Variants in PHACTR3 observed in about 807,000 individuals in gnomAD.
PHACTR3 encodes the protein protein phosphatase 1, regulatory subunit 123.
A neutral mutation model predicts 66.8 loss-of-function variants in PHACTR3; 16 were observed. That is an observed-to-expected ratio of 0.24 (90% CI 0.16 to 0.36). The LOEUF is 0.36. PHACTR3 is among the 10% of genes least tolerant of loss of function. The pLI is 1.00. For missense variants in PHACTR3, 647 were observed against 719.9 expected, an observed-to-expected ratio of 0.90 and a Z score of 1.16; for synonymous variants, 323 against 292.1, an observed-to-expected ratio of 1.11 and a Z score of -1.08.
At chr20:59,625,318 G>T (rs1249668245) in intron 1 of PHACTR3, among the ~76,000 whole-genome samples, 5 of 152,018 alleles carry the variant, frequency 3.3e-5, no homozygotes, top group Non-Finnish European at 7.4e-5. Flanking sequence ...TGGGAGGAGT[G>T]GTTGAGAATG....
rs1189756426 is a variant in PHACTR3, at chr20:59,691,230, G to A, written c.119-51877G>A. On this transcript the variant is annotated intron_variant, in intron 1 of 12. Transcript: ENST00000371015. ...TCCTGGCGGAGACCTTGGCTCTCCT[G>A]TCAGAAGCTTCCTCTGATTGTCAAC... is the stretch of plus-strand genomic sequence containing the variant. Among the ~76,000 whole-genome samples the A allele has an allele frequency of 4.6e-5, 7 of 152,202 alleles. No individual in the cohort carries two copies. In the South Asian group the frequency reaches 1.0e-3, roughly 23 times the overall value.
rs141380448 is a variant in PHACTR3, at chr20:59,753,607, T to C, written c.359-1575T>C. ...ACCAACAACAATGACAGAAAGCACA[T>C]GTAAAGTGCCTACCTTATGCCAGAC... On this transcript the variant is annotated intron_variant, in intron 3 of 12. Coordinates refer to ENST00000371015, the MANE Select transcript of PHACTR3 (RefSeq NM_080672.5). 1.2e-4 allele frequency among the ~76,000 whole-genome samples: 18 copies of C among 152,326 alleles called. No individual in the cohort carries two copies. The East Asian group carries it at 3.3e-3, about 28-fold the overall frequency.
At chr20:59,622,111 T>C (rs550402735) in intron 1 of PHACTR3, among the ~76,000 whole-genome samples, 98 of 152,286 alleles carry the variant, frequency 6.4e-4, no homozygotes, top group African/African-American at 2.0e-3. Flanking sequence ...TATGTGTTTG[T>C]GTGTGCAGGT....
At chr20:59,715,039 A>G (rs1350434363) in intron 1 of PHACTR3, among the ~76,000 whole-genome samples, 2 of 152,212 alleles carry the variant, frequency 1.3e-5, no homozygotes, top group African/African-American at 4.8e-5. Flanking sequence ...GAAACTTGCT[A>G]AATTATTCTA....
chr20:59,783,006 A>G (rs1177128251), intron 7 of PHACTR3, among the ~76,000 whole-genome samples: 1 of 152,150 alleles, frequency 6.6e-6, no homozygotes, highest in Admixed American at 6.5e-5. Flanking sequence ...TAAAAAGTGA[A>G]TGCTAACGTG....
intron 1 of PHACTR3, among the ~76,000 whole-genome samples, chr20:59,588,143 T>C (rs1242258672): frequency 6.6e-6 from 1 of 152,196 alleles, no homozygotes; most frequent in Non-Finnish European, 1.5e-5. Context: ...TGAGGGCTGC[T>C]TGGAGGAACC....
At position 59,770,459 on chromosome 20, in the gene PHACTR3, C is replaced by T. The variant is rs950009791; in HGVS notation, c.752-2820C>T. Among the ~76,000 whole-genome samples, 3 of 152,216 alleles carry T rather than the reference C, an allele frequency of 2.0e-5. No individual in the cohort carries two copies. In the East Asian group the frequency reaches 5.8e-4, roughly 29 times the overall value. ...TGGGCTTCCCTTGCTGCAGGAGGGA[C>T]CCTGGCCCAACTGAGTCTCCACCCA... On this transcript the variant is annotated intron_variant, in intron 5 of 12. Coordinates refer to ENST00000371015, the MANE Select transcript of PHACTR3 (RefSeq NM_080672.5).
intron 1 of PHACTR3, among the ~76,000 whole-genome samples, chr20:59,633,641 A>C (rs2034748812): frequency 6.6e-6 from 1 of 152,198 alleles, no homozygotes; most frequent in African/African-American, 2.4e-5. Flanking sequence ...TTTTAGAAGA[A>C]ATAAAAGAAA....
intron 9 of PHACTR3, 62 bp from the exon 10 acceptor site, chr20:59,840,302 TGAAGA>T (rs975287645): frequency 1.1e-5 from 17 of 1,571,298 alleles, no homozygotes; most frequent in Non-Finnish European, 1.5e-5. Flanking sequence ...ACTTCCCTGC[TGAAGA>T]GAAGAACGTT....
At chr20:59,721,889 A>G (rs535831378) in intron 1 of PHACTR3, among the ~76,000 whole-genome samples, 1 of 151,390 alleles carries the variant, frequency 6.6e-6, no homozygotes, top group East Asian at 1.9e-4. Flanking sequence ...ACAGAAAAGA[A>G]AAGAAATACA....
chr20:59,794,575 C>T (rs2041198931), intron 7 of PHACTR3, among the ~76,000 whole-genome samples: 2 of 152,084 alleles, frequency 1.3e-5, no homozygotes, highest in African/African-American at 4.8e-5. Context: ...TGGAAATACT[C>T]CTTCCTTTTC....
At chr20:59,597,190 T>A (rs1432042716) in intron 1 of PHACTR3, among the ~76,000 whole-genome samples, 3 of 152,252 alleles carry the variant, frequency 2.0e-5, no homozygotes, top group South Asian at 4.1e-4. Context: ...ATACCCTGTC[T>A]GAGCCTCAAC....
At chr20:59,833,463 A>AT (rs1304968379) in intron 8 of PHACTR3, among the ~76,000 whole-genome samples, 1 of 152,150 alleles carries the variant, frequency 6.6e-6, no homozygotes, top group Non-Finnish European at 1.5e-5. Context: ...TGTCACAAAC[A>AT]TTTTTGTGCA....
chr20:59,755,165 G>A lies in PHACTR3; in HGVS notation c.359-17G>A. 6.2e-7 allele frequency: 1 copy of A among 1,607,676 alleles called. No individual in the cohort carries two copies. The highest frequency in any genetic ancestry group is 8.5e-7 in the Non-Finnish European group (1 of 1,178,192). On this transcript the variant is annotated splice_polypyrimidine_tract_variant and intron_variant, in intron 3 of 12. Transcript: ENST00000371015. ...AAGGGAGGTGCAGGCCCAGCTGACAGCTACATTTCCTTGTAGATGCTGAAA... is the reference window on the plus strand; with the variant it reads ...AAGGGAGGTGCAGGCCCAGCTGACAACTACATTTCCTTGTAGATGCTGAAA...
chr20:59,773,020 G>A (rs1022144734), intron 5 of PHACTR3, among the ~76,000 whole-genome samples: 9 of 152,170 alleles, frequency 5.9e-5, no homozygotes, highest in Non-Finnish European at 1.0e-4. Flanking sequence ...GCGCCCTGCA[G>A]GGAGGATGCT....
intron 8 of PHACTR3, among the ~76,000 whole-genome samples, chr20:59,834,497 A>G (rs953908616): frequency 2.6e-5 from 4 of 152,100 alleles, no homozygotes; most frequent in African/African-American, 9.7e-5. Context: ...CCTTTACCTA[A>G]TTCCTTCTCC....
At chr20:59,813,975 ATCTGT>A (rs1568848131) in intron 8 of PHACTR3, among the ~76,000 whole-genome samples, 1 of 152,164 alleles carries the variant, frequency 6.6e-6, no homozygotes. Flanking sequence ...CCGTTTACTC[ATCTGT>A]TCTGTTCGCC....
At chr20:59,788,398 C>T (rs950052546) in intron 7 of PHACTR3, among the ~76,000 whole-genome samples, 1 of 152,158 alleles carries the variant, frequency 6.6e-6, no homozygotes, top group African/African-American at 2.4e-5. Flanking sequence ...GGATGCCCCC[C>T]ACGCCTGGCA....
At chr20:59,601,158 C>T (rs116712243), upstream of PHACTR3, among the ~76,000 whole-genome samples, 1,770 of 152,286 alleles carry the variant, frequency 0.012, 31 homozygotes, top group African/African-American at 0.033. Flanking sequence ...TCCCCATCCT[C>T]GGCGTCCACA....
Sources: gnomAD v4.1 joint callset for allele counts (sites outside exome capture counted in the v4.1 genomes callset) on GRCh38, gnomAD v4.1.1 for gene constraint, MANE v1.5 for transcripts, NCBI Gene and HGNC (gene_info 2026-07-23, HGNC 2026-07-21) for gene names.